Variants in PPIA observed in about 807,000 individuals in gnomAD.
PPIA encodes the protein peptidyl-prolyl cis-trans isomerase A.
PPIA carries 2 observed loss-of-function variants against 15.3 expected under a neutral mutation model. The observed-to-expected ratio is 0.13, with a 90% CI of 0.05 to 0.41. The LOEUF (loss-of-function observed/expected upper bound fraction) is 0.41, where lower values mean the gene tolerates loss of function less well. Ranked by LOEUF, PPIA falls within the 10% of genes least tolerant of loss-of-function variation. PPIA has a pLI of 0.99. For synonymous variants in PPIA, 67 were observed against 73.1 expected (o/e 0.92, Z 0.43); for missense variants, 103 against 210.3 (o/e 0.49, Z 3.16).
In PPIA at chr7:44,801,422, A is replaced by C; in HGVS notation, c.498A>C (p.Ter166TyrextTer2). The change falls in exon 5 of 5, where the codon TAA (stop) becomes TAC (tyrosine). Residue 166 changes from the stop codon to tyrosine, a stop_lost. Transcript: ENST00000468812. ...ITIADCGQLE[*>Y] ...TTGCTGACTGTGGACAACTCGAATA[A>C]GTTTGACTTGTGTTTTATCTTAACC... 3.3e-6 allele frequency: 5 copies of C among 1,536,442 alleles called. No individual in the cohort carries two copies. In the South Asian group the frequency reaches 5.6e-5, roughly 17 times the overall value.
chr7:44,800,843 A>C (rs1023311687), intron 4 of PPIA, among the ~76,000 whole-genome samples: 1 of 151,370 alleles, frequency 6.6e-6, no homozygotes, highest in Non-Finnish European at 1.5e-5. Context: ...TTTGAGATGG[A>C]GTTTCGCTCT....
chr7:44,796,930 C>T (rs1792385751), intron 1 of PPIA, 137 bp downstream of exon 1: 27 of 980,522 alleles, frequency 2.8e-5, no homozygotes, highest in Non-Finnish European at 3.9e-5. Flanking sequence ...GCGCCATTTC[C>T]TGACGAGGGG....
rs1562773559 is a variant in PPIA at position 44,802,191 on chromosome 7, T to TC, written c.*773dup. On this transcript the variant is annotated 3_prime_UTR_variant, in exon 5 of 5. Transcript: ENST00000468812. Reference sequence around the variant, plus strand: ...TGTTGCGGTTTTTTTTTTTTTTTTTTCCCCTGGAATGCAGTGGCGTGATCT... The same window carrying TC: ...TGTTGCGGTTTTTTTTTTTTTTTTTTCCCCCTGGAATGCAGTGGCGTGATCT... 3.3e-3 allele frequency: 488 copies of TC among 147,084 alleles called. 4 individuals are homozygous for TC. Among genetic ancestry groups the TC allele is most frequent in the African/African-American group, 0.012 (444 of 38,422 alleles). The allele number at this position is 147,084 out of a possible 1,614,324, so 9.1% of individuals were successfully genotyped here. A position where few individuals can be genotyped will look rare whatever the true frequency, so the allele number is the denominator to read the frequency against.
Position 44,798,108 on chromosome 7 carries a change from A to G in PPIA, c.70-1139A>G, listed in dbSNP as rs575895000. ...AATGAGAAAGGACTTGCAGGTCTTG[A>G]TGAGAATGGAGGGGTAACTGCCAAT... On this transcript the variant is annotated intron_variant, in intron 1 of 4. Transcript: ENST00000468812. 2.6e-5 allele frequency: 4 copies of G among 152,290 alleles called. No individual in the cohort carries two copies. The South Asian group carries it at 8.3e-4, about 32-fold the overall frequency. 9.4% of individuals were successfully genotyped at this position (152,290 alleles called of 1,614,324 possible). A position where few individuals can be genotyped will look rare whatever the true frequency, so the allele number is the denominator to read the frequency against.
intron 1 of PPIA, chr7:44,798,645 T>C: frequency 1.4e-6 from 1 of 713,072 alleles, no homozygotes; most frequent in East Asian, 1.3e-4. Flanking sequence ...TAAATGTTTA[T>C]GGTATTTAAG....
At chr7:44,800,054 C>G (rs984262551) in intron 4 of PPIA, 180 bp downstream of exon 4, 1 of 677,054 alleles carries the variant, frequency 1.5e-6, no homozygotes, top group African/African-American at 1.8e-5. Flanking sequence ...ATGTCAGATA[C>G]TATGATAGAA....
intron 1 of PPIA, chr7:44,799,023 G>T: frequency 8.7e-7 from 1 of 1,145,672 alleles, no homozygotes; most frequent in Non-Finnish European, 1.1e-6. Context: ...CACTATTTAA[G>T]TTATGACTAG....
At chr7:44,798,604 T>C (rs976712220) in intron 1 of PPIA, 8 of 424,180 alleles carry the variant, frequency 1.9e-5, no homozygotes, top group Non-Finnish European at 2.5e-5. Flanking sequence ...AAATGCTACT[T>C]TTAAACAAGC....
At position 44,800,912 on chromosome 7, in the gene PPIA, G is replaced by C. The variant is rs369986305; in HGVS notation, c.363-375G>C. ...GGCTCACTGCAAGCTCCGCCTCCCA[G>C]GTTCACGCCATTCTCCTGCCTCAGC... is the stretch of plus-strand genomic sequence containing the variant. On this transcript the variant is annotated intron_variant, in intron 4 of 4. Coordinates refer to ENST00000468812, the MANE Select transcript of PPIA (RefSeq NM_021130.5). 9.2e-5 allele frequency among the ~76,000 whole-genome samples: 14 copies of C among 152,170 alleles called. 1 individual carries two copies. In the East Asian group the frequency reaches 2.7e-3, roughly 29 times the overall value.
intron 1 of PPIA, among the ~76,000 whole-genome samples, chr7:44,797,697 T>G (rs1337765500): frequency 6.6e-6 from 1 of 152,258 alleles, no homozygotes; most frequent in Admixed American, 6.5e-5. Context: ...AATTATAGCA[T>G]AGTATCTAAA....
At chr7:44,800,028 G>A in intron 4 of PPIA, 154 bp downstream of exon 4, 1 of 758,040 alleles carries the variant, frequency 1.3e-6, no homozygotes, top group Non-Finnish European at 2.1e-6. Context: ...GACAAATATA[G>A]CCAATGTGAT....
intron 4 of PPIA, among the ~76,000 whole-genome samples, chr7:44,801,039 G>A (rs17860080): frequency 0.052 from 7,862 of 151,636 alleles, 273 homozygotes; most frequent in Admixed American, 0.079. Flanking sequence ...GGATGGTCTC[G>A]ATCTCCTGAC....
chr7:44,799,422 A>G lies in PPIA; in HGVS notation c.131A>G (p.Lys44Arg), dbSNP rs778167852. The change falls in exon 3 of 5, where the codon AAA becomes AGA. Residue 44 changes from lysine to arginine, a missense_variant. By Grantham distance (26) the Lys-to-Arg change is conservative. Transcript: ENST00000468812. ...TTTCGTGCTCTGAGCACTGGAGAGA[A>G]AGGATTTGGTTATAAGGGTTCCTGC... ...ENFRALSTGEKGFGYKGSCFH... is the reference protein window; with the variant it reads ...ENFRALSTGERGFGYKGSCFH... The G allele has an allele frequency of 2.4e-5, 38 of 1,613,090 alleles. No homozygotes were observed. The Admixed American group carries it at 6.3e-4, about 27-fold the overall frequency.
intron 4 of PPIA, 70 bp downstream of exon 4, chr7:44,799,944 C>T (rs1792495949): frequency 6.7e-7 from 1 of 1,482,054 alleles, no homozygotes; most frequent in Non-Finnish European, 9.3e-7. Flanking sequence ...ACGGAACAAA[C>T]ACTACTTTTC....
Position 44,796,782 on chromosome 7 carries a change from G to A in PPIA, c.58G>A (p.Val20Ile), listed in dbSNP as rs1334714859. 5.0e-6 allele frequency: 8 copies of A among 1,608,478 alleles called. No individual in the cohort carries two copies. Among genetic ancestry groups the A allele is most frequent in the East Asian group, 2.3e-5 (1 of 43,988 alleles). The change falls in exon 1 of 5, where the codon GTC becomes ATC. Residue 20 changes from valine to isoleucine, a missense_variant. Coordinates refer to ENST00000468812, the MANE Select transcript of PPIA (RefSeq NM_021130.5). Reference sequence around the variant, plus strand: ...CGTCGACGGCGAGCCCTTGGGCCGCGTCTCCTTTGAGGTCGGGCGGGCGGC... The same window carrying A: ...CGTCGACGGCGAGCCCTTGGGCCGCATCTCCTTTGAGGTCGGGCGGGCGGC... ...IAVDGEPLGR[V>I]SFELFADKVP... is the part of the protein sequence containing the mutation.
In PPIA at chr7:44,801,519, T is replaced by G. The variant is rs1381825535; in HGVS notation, c.*97T>G. On this transcript the variant is annotated 3_prime_UTR_variant, in exon 5 of 5. Coordinates refer to ENST00000468812, the MANE Select transcript of PPIA (RefSeq NM_021130.5). ...TTTGCTCGCAGTATCCTAGAATCTTTGTGCTCTCGCTGCAGTTCCCTTTGG... is the reference window on the plus strand; with the variant it reads ...TTTGCTCGCAGTATCCTAGAATCTTGGTGCTCTCGCTGCAGTTCCCTTTGG... The G allele has an allele frequency of 2.4e-5, 19 of 787,030 alleles. No homozygotes were observed. Among genetic ancestry groups the G allele is most frequent in the South Asian group, 3.5e-5 (2 of 57,326 alleles). 48.8% of individuals were successfully genotyped at this position (787,030 alleles called of 1,614,324 possible).
intron 1 of PPIA, 127 bp downstream of exon 1, chr7:44,796,920 G>A (rs947533875): frequency 1.7e-4 from 188 of 1,082,738 alleles, no homozygotes; most frequent in Non-Finnish European, 2.3e-4. Flanking sequence ...GCGGGCTGCG[G>A]CGCCATTTCC....
At chr7:44,800,797 AG>A (rs1022868341) in intron 4 of PPIA, among the ~76,000 whole-genome samples, 2 of 150,818 alleles carry the variant, frequency 1.3e-5, no homozygotes, top group Non-Finnish European at 3.0e-5. Context: ...TTTTTGGGGG[AG>A]GGGGGCGCAA....
chr7:44,803,046 T>A lies in PPIA; in HGVS notation c.*1624T>A, dbSNP rs1792611959. ...TTACGTATTCCCTGGGTGATACCAT[T>A]CAATGTCTTAATGTACTTGTGGCTC... On this transcript the variant is annotated 3_prime_UTR_variant, in exon 5 of 5. Coordinates refer to ENST00000468812, the MANE Select transcript of PPIA (RefSeq NM_021130.5). The A allele has an allele frequency of 6.6e-6, 1 of 152,204 alleles. No homozygotes were observed. Among genetic ancestry groups the A allele is most frequent in the South Asian group, 2.1e-4 (1 of 4,832 alleles). 9.4% of individuals were successfully genotyped at this position (152,204 alleles called of 1,614,324 possible). A position where few individuals can be genotyped will look rare whatever the true frequency, so the allele number is the denominator to read the frequency against.
Sources: allele counts gnomAD v4.1 joint callset (sites outside exome capture counted in the v4.1 genomes callset), GRCh38; gene constraint gnomAD v4.1.1; transcripts MANE v1.5; gene names NCBI Gene and HGNC (gene_info 2026-07-23, HGNC 2026-07-21).